TMEM182: variants seen among roughly 807,000 people sequenced by gnomAD.
TMEM182 encodes transmembrane protein 182.
In TMEM182, 20 loss-of-function variants were observed where a neutral mutation model predicts 26.8. That is an observed-to-expected ratio of 0.75 (90% CI 0.53 to 1.09). TMEM182 has a LOEUF of 1.09. Among genes scored for constraint, TMEM182 ranks in the 50% least tolerant of loss-of-function variants. The pLI, the probability that TMEM182 is intolerant of heterozygous loss-of-function variation, is 0.00. For missense variants in TMEM182, 277 were observed against 275.5 expected (o/e 1.01, Z -0.04); for synonymous variants, 109 against 102.2 (o/e 1.07, Z -0.40).
chr2:102,755,422 G>GTTTGTATTTGTA (rs1365785429), intron 1 of TMEM182, among the ~76,000 whole-genome samples: 4 of 152,170 alleles, frequency 2.6e-5, no homozygotes, highest in African/African-American at 9.6e-5. Context: ...GCACGTCACC[G>GTTTGTATTTGTA]TTTGTATTTA....
At chr2:102,793,061 T>TGG (rs1681716757) in intron 3 of TMEM182, among the ~76,000 whole-genome samples, 1 of 152,190 alleles carries the variant, frequency 6.6e-6, no homozygotes, top group African/African-American at 2.4e-5. Flanking sequence ...TCCCTGAGCC[T>TGG]GGGCTTCCCT....
At chr2:102,803,750 G>T (rs560748168) in intron 4 of TMEM182, among the ~76,000 whole-genome samples, 8 of 152,308 alleles carry the variant, frequency 5.3e-5, no homozygotes, top group Admixed American at 4.6e-4. Context: ...GGTAAAGGAG[G>T]ATGTGGCGGC....
upstream of TMEM182, among the ~76,000 whole-genome samples, chr2:102,761,018 A>T (rs371480184): frequency 6.6e-6 from 1 of 152,190 alleles, no homozygotes; most frequent in Non-Finnish European, 1.5e-5. Flanking sequence ...CCATGCCACA[A>T]AAAAGAAGGC....
chr2:102,804,976 CA>C, intron 4 of TMEM182, among the ~76,000 whole-genome samples: 1 of 152,286 alleles, frequency 6.6e-6, no homozygotes, highest in Non-Finnish European at 1.5e-5. Context: ...CACTGTCATC[CA>C]GACACTGATC....
At chr2:102,819,803 C>T (rs531010872), downstream of TMEM182, among the ~76,000 whole-genome samples, 1 of 152,292 alleles carries the variant, frequency 6.6e-6, no homozygotes, top group South Asian at 2.1e-4. Context: ...CATATTTTAT[C>T]TTTCTGCTAT....
upstream of TMEM182, chr2:102,758,372 C>A: frequency 1.4e-6 from 1 of 697,042 alleles, no homozygotes; most frequent in South Asian, 1.6e-5. Flanking sequence ...CACTGAATGG[C>A]TGTTAAAATT....
intron 4 of TMEM182, among the ~76,000 whole-genome samples, chr2:102,814,264 G>C (rs1051844763): frequency 1.3e-5 from 2 of 151,968 alleles, no homozygotes; most frequent in Non-Finnish European, 2.9e-5. Flanking sequence ...AGAAAGACCC[G>C]GGCTGAAAAT....
downstream of TMEM182, among the ~76,000 whole-genome samples, chr2:102,819,299 A>G (rs1309832283): frequency 2.6e-5 from 4 of 152,234 alleles, no homozygotes; most frequent in Non-Finnish European, 5.9e-5. Flanking sequence ...TGATGTGTAA[A>G]GAATAATGCT....
upstream of TMEM182, chr2:102,758,240 G>C: frequency 2.2e-6 from 1 of 463,990 alleles, no homozygotes; most frequent in South Asian, 3.6e-5. Flanking sequence ...AAAAAAGAGA[G>C]AGAAAGGGAA....
At chr2:102,818,754 C>CTATCTATCTATCTATG (rs1553444818), downstream of TMEM182, among the ~76,000 whole-genome samples, 280 of 141,864 alleles carry the variant, frequency 2.0e-3, no homozygotes, top group South Asian at 0.017. Context: ...TCCTATCTAT[C>CTATCTATCTATCTATG]TATCTATCTA....
At chr2:102,756,473 T>C (rs1039090914) in intron 1 of TMEM182, among the ~76,000 whole-genome samples, 1 of 152,044 alleles carries the variant, frequency 6.6e-6, no homozygotes, top group African/African-American at 2.4e-5. Context: ...TTTGGGAGGC[T>C]GAGGTGGGTG....
At chr2:102,833,506 A>G (rs750822921) in intron 3 of TMEM182, among the ~76,000 whole-genome samples, 10 of 152,178 alleles carry the variant, frequency 6.6e-5, no homozygotes, top group Non-Finnish European at 1.0e-4. Flanking sequence ...ACACACCCTG[A>G]TTTATTTTCC....
Position 102,816,934 on chromosome 2 carries a change from A to G in TMEM182, c.*1966A>G. ...TTTCAGATGGTTATCCTCACTTTAT[A>G]GTACACTTAAGTGGCTACCATATAT... On this transcript the variant is annotated 3_prime_UTR_variant, in exon 5 of 5. Coordinates refer to ENST00000412401, the MANE Select transcript of TMEM182 (RefSeq NM_144632.5). 1 of 985,694 alleles carries G rather than the reference A, an allele frequency of 1.0e-6. No homozygotes were observed. The highest frequency in any genetic ancestry group is 1.2e-6 in the Non-Finnish European group (1 of 829,784). The allele number at this position is 985,694 out of a possible 1,614,324, so 61.1% of individuals were successfully genotyped here. A position where few individuals can be genotyped will look rare whatever the true frequency, so the allele number is the denominator to read the frequency against.
At chr2:102,834,168 A>G (rs1683198997) in intron 3 of TMEM182, among the ~76,000 whole-genome samples, 2 of 152,218 alleles carry the variant, frequency 1.3e-5, no homozygotes. Flanking sequence ...GCAAAGGTAT[A>G]TAGGTCTAAA....
chr2:102,782,557 C>T (rs1168181093), intron 3 of TMEM182, among the ~76,000 whole-genome samples: 2 of 152,126 alleles, frequency 1.3e-5, no homozygotes, highest in African/African-American at 2.4e-5. Flanking sequence ...TACACTACCT[C>T]ATAGTAGTAC....
intron 3 of TMEM182, among the ~76,000 whole-genome samples, chr2:102,781,729 C>T (rs1487883965): frequency 6.6e-6 from 1 of 151,928 alleles, no homozygotes; most frequent in African/African-American, 2.4e-5. Flanking sequence ...AAGGCGCAAC[C>T]GAAATCTAAT....
intron 4 of TMEM182, among the ~76,000 whole-genome samples, chr2:102,802,912 C>T (rs981116229): frequency 2.0e-5 from 3 of 152,138 alleles, no homozygotes; most frequent in African/African-American, 7.2e-5. Flanking sequence ...AAATGGCAAA[C>T]TGGGATGTAT....
At chr2:102,765,596 A>G (rs532211476) in intron 3 of TMEM182, among the ~76,000 whole-genome samples, 2 of 152,332 alleles carry the variant, frequency 1.3e-5, no homozygotes, top group Non-Finnish European at 1.5e-5. Flanking sequence ...ACATCTTTAC[A>G]TGGAACTATT....
chr2:102,789,470 G>C (rs1681543103), intron 3 of TMEM182, among the ~76,000 whole-genome samples: 1 of 152,108 alleles, frequency 6.6e-6, no homozygotes, highest in Non-Finnish European at 1.5e-5. Flanking sequence ...GAACAAACTG[G>C]TTTTGCTTGC....
Sources: gnomAD v4.1 joint callset for allele counts (sites outside exome capture counted in the v4.1 genomes callset) on GRCh38, gnomAD v4.1.1 for gene constraint, MANE v1.5 for transcripts, NCBI Gene and HGNC (gene_info 2026-07-23, HGNC 2026-07-21) for gene names.